The following BPNT2 variants were observed in gnomAD, a reference collection of about 807,000 sequenced individuals.
The protein encoded by BPNT2 is Golgi-resident adenosine 3',5'-bisphosphate 3'-phosphatase.
BPNT2 carries 11 observed loss-of-function variants against 29.3 expected under a neutral mutation model. The ratio of observed to expected loss-of-function variants is 0.38; its 90% CI spans 0.24 to 0.62. The LOEUF (loss-of-function observed/expected upper bound fraction) is 0.62, where lower values mean the gene tolerates loss of function less well. Among genes scored for constraint, BPNT2 ranks in the 20% least tolerant of loss-of-function variants. BPNT2 has a pLI of 0.62. For missense variants in BPNT2, 459 were observed against 473.4 expected, an observed-to-expected ratio of 0.97 and a Z score of 0.28; for synonymous variants, 195 against 187.7, an observed-to-expected ratio of 1.04 and a Z score of -0.32.
At chr8:56,975,644 C>T (rs150048816) in intron 3 of BPNT2, among the ~76,000 whole-genome samples, 22 of 152,110 alleles carry the variant, frequency 1.4e-4, no homozygotes, top group African/African-American at 5.3e-4. Context: ...ATGATAGGAG[C>T]TCCTAAGTCC....
intron 3 of BPNT2, among the ~76,000 whole-genome samples, chr8:56,973,360 T>C (rs1806068925): frequency 6.6e-6 from 1 of 152,100 alleles, no homozygotes; most frequent in South Asian, 2.1e-4. Context: ...TCAATACCAA[T>C]AGTAGAGAAC....
At chr8:56,980,837 C>CACACACAG (rs1184262009) in intron 1 of BPNT2, among the ~76,000 whole-genome samples, 9 of 150,704 alleles carry the variant, frequency 6.0e-5, no homozygotes, top group African/African-American at 2.2e-4. Context: ...CACACACACA[C>CACACACAG]ACACACACAC....
At chr8:56,977,232 T>C (rs1165978337) in intron 3 of BPNT2, among the ~76,000 whole-genome samples, 2 of 152,132 alleles carry the variant, frequency 1.3e-5, no homozygotes, top group Non-Finnish European at 2.9e-5. Flanking sequence ...TATAAAAATA[T>C]ATGTATTTTC....
chr8:56,971,683 A>G (rs1191009913), intron 3 of BPNT2, among the ~76,000 whole-genome samples: 1 of 152,092 alleles, frequency 6.6e-6, no homozygotes, highest in Admixed American at 6.5e-5. Flanking sequence ...TACAGACCAT[A>G]CATACGTAGT....
rs372205204 is a variant in BPNT2, at chr8:56,980,203, T to A, written c.388-6A>T. 1 of 1,612,368 alleles carries A rather than the reference T, an allele frequency of 6.2e-7. No homozygotes were observed. ...ACGTGTTCCTCAGTATTAATCTGCA[T>A]TAAAAACAGGTGACAGTTAAAAAAA... On this transcript the variant is annotated splice_polypyrimidine_tract_variant and splice_region_variant and intron_variant, in intron 1 of 4. Transcript: ENST00000262644.
chr8:56,972,758 GGCA>G (rs1436387411), intron 3 of BPNT2, among the ~76,000 whole-genome samples: 2 of 151,876 alleles, frequency 1.3e-5, no homozygotes, highest in Non-Finnish European at 2.9e-5. Flanking sequence ...CCAACCAAGA[GGCA>G]GCAGACAAGT....
rs1806451156 is a variant in BPNT2 at position 56,993,360 on chromosome 8, G to C, written c.226C>G (p.Arg76Gly). 1 of 1,610,022 alleles carries C rather than the reference G, an allele frequency of 6.2e-7. No homozygotes were observed. The highest frequency in any genetic ancestry group is 1.3e-5 in the African/African-American group (1 of 74,842). ...MLAVSVLAAV[R>G]GGDEVRRVRE... ...ACGCGCCTCACCTCGTCGCCGCCGC[G>C]GACTGCGGCCAGCACTGACACAGCC... is the stretch of plus-strand genomic sequence containing the variant. Residue 76 changes from arginine (R) to glycine (G), a missense_variant, in exon 1 of 5, where the codon CGC becomes GGC. Physicochemically the swap from Arg to Gly is moderately radical, Grantham distance 125. Transcript: ENST00000262644.
chr8:56,979,396 T>C (rs995357215), intron 2 of BPNT2, among the ~76,000 whole-genome samples: 1 of 152,238 alleles, frequency 6.6e-6, no homozygotes, highest in Middle Eastern at 3.2e-3. Flanking sequence ...TATTCCATAT[T>C]TCTATTATCT....
rs186970617 is a variant in BPNT2 at position 56,986,069 on chromosome 8, T to C, written c.388-5872A>G. The stretch of plus-strand genomic sequence containing the variant: ...TTGGAGAGTGTCAGGCTTCTGAGAA[T>C]TGGAGGATGTCGTTACTACAGCATT... On this transcript the variant is annotated intron_variant, in intron 1 of 4. Coordinates refer to ENST00000262644, the MANE Select transcript of BPNT2 (RefSeq NM_017813.5). Among the ~76,000 whole-genome samples the C allele has an allele frequency of 2.0e-3, 300 of 152,270 alleles. 3 individuals carry two copies. The highest frequency in any genetic ancestry group is 6.8e-3 in the African/African-American group (281 of 41,560).
intron 1 of BPNT2, among the ~76,000 whole-genome samples, chr8:56,990,547 G>T (rs1291102397): frequency 6.6e-6 from 1 of 152,144 alleles, no homozygotes; most frequent in Admixed American, 6.5e-5. Context: ...GAGCCTAGGT[G>T]AAATCTGAGT....
intron 4 of BPNT2, among the ~76,000 whole-genome samples, chr8:56,965,762 G>A (rs973902297): frequency 6.6e-6 from 1 of 152,178 alleles, no homozygotes; most frequent in Non-Finnish European, 1.5e-5. Flanking sequence ...GAGTTCAGGG[G>A]TGTTAAAAGT....
chr8:56,984,616 A>C (rs2129206204), intron 1 of BPNT2, among the ~76,000 whole-genome samples: 1 of 152,284 alleles, frequency 6.6e-6, no homozygotes, highest in South Asian at 2.1e-4. Flanking sequence ...TTCAACATCT[A>C]ATGGCTATAT....
At chr8:56,980,482 G>C (rs1366479295) in intron 1 of BPNT2, among the ~76,000 whole-genome samples, 2 of 152,050 alleles carry the variant, frequency 1.3e-5, no homozygotes, top group African/African-American at 4.8e-5. Flanking sequence ...GAGCATTGAA[G>C]AAACAAGCTA....
At chr8:56,972,486 G>A (rs1014920587) in intron 3 of BPNT2, among the ~76,000 whole-genome samples, 1 of 151,770 alleles carries the variant, frequency 6.6e-6, no homozygotes, top group Admixed American at 6.6e-5. Context: ...CACACCAACA[G>A]GTGCAAAAAC....
intron 2 of BPNT2, among the ~76,000 whole-genome samples, chr8:56,979,021 C>T (rs1005376051): frequency 6.6e-6 from 1 of 152,182 alleles, no homozygotes; most frequent in African/African-American, 2.4e-5. Flanking sequence ...AACAAACCTG[C>T]ACTTGTACTC....
chr8:56,977,689 C>T (rs1032363876), intron 3 of BPNT2, among the ~76,000 whole-genome samples: 2 of 152,014 alleles, frequency 1.3e-5, no homozygotes, highest in African/African-American at 2.4e-5. Context: ...GACTGGTGTG[C>T]TTGTAAGAGG....
Position 56,961,958 on chromosome 8 carries a change from T to C in BPNT2, c.*1835A>G, listed in dbSNP as rs1487216279. The C allele has an allele frequency of 2.0e-5, 3 of 152,180 alleles. No individual in the cohort carries two copies. The highest frequency in any genetic ancestry group is 2.9e-5 in the Non-Finnish European group (2 of 68,034). The allele number at this position is 152,180 out of a possible 1,614,324, so 9.4% of individuals were successfully genotyped here. A position where few individuals can be genotyped will look rare whatever the true frequency, so the allele number is the denominator to read the frequency against. ...ACTTGCCAGTCCCATTTCCCTAACT[T>C]TGACATACTATAATAAAAACAGATG... On this transcript the variant is annotated 3_prime_UTR_variant, in exon 5 of 5. Transcript: ENST00000262644.
At chr8:56,983,335 C>A (rs1806275903) in intron 1 of BPNT2, among the ~76,000 whole-genome samples, 2 of 152,148 alleles carry the variant, frequency 1.3e-5, no homozygotes, top group Non-Finnish European at 2.9e-5. Context: ...ATAAGCCTGG[C>A]AGGCATCTAG....
At chr8:56,988,220 A>C (rs1264033309) in intron 1 of BPNT2, among the ~76,000 whole-genome samples, 1 of 152,172 alleles carries the variant, frequency 6.6e-6, no homozygotes, top group Non-Finnish European at 1.5e-5. Context: ...TCTCTTAGGA[A>C]ACATAATACA....
Sources: gnomAD v4.1 joint callset for allele counts (sites outside exome capture counted in the v4.1 genomes callset) on GRCh38, gnomAD v4.1.1 for gene constraint, MANE v1.5 for transcripts, NCBI Gene and HGNC (gene_info 2026-07-23, HGNC 2026-07-21) for gene names.